Variants in BLNK observed in about 807,000 individuals in gnomAD.
The protein encoded by BLNK is B-cell linker protein.
In BLNK, 29 loss-of-function variants were observed where a neutral mutation model predicts 73.5. The observed-to-expected ratio is 0.39, with a 90% CI of 0.29 to 0.54. BLNK has a LOEUF of 0.54. Ranked by LOEUF, BLNK falls within the 20% of genes least tolerant of loss-of-function variation. The pLI, the probability that BLNK is intolerant of heterozygous loss-of-function variation, is 0.61. For missense variants in BLNK, 460 were observed against 562.8 expected (o/e 0.82, Z 1.85); for synonymous variants, 176 against 200.8 (o/e 0.88, Z 1.04).
chr10:96,221,246 T>C (rs1410164400), intron 6 of BLNK, among the ~76,000 whole-genome samples: 1 of 152,164 alleles, frequency 6.6e-6, no homozygotes, highest in Non-Finnish European at 1.5e-5. Flanking sequence ...TACACAACAT[T>C]CTCCAAGTGT....
At chr10:96,194,768 A>AATTTTTT (rs2083416015) in intron 16 of BLNK, among the ~76,000 whole-genome samples, 1 of 110,286 alleles carries the variant, frequency 9.1e-6, no homozygotes, top group Admixed American at 1.1e-4. Flanking sequence ...AGAAATGCAA[A>AATTTTTT]TTTTTTTTTT....
At chr10:96,241,374 C>T (rs188854662) in intron 3 of BLNK, among the ~76,000 whole-genome samples, 56 of 152,318 alleles carry the variant, frequency 3.7e-4, no homozygotes, top group Admixed American at 1.2e-3. Flanking sequence ...TATCTTCCAA[C>T]GTATTTGTTC....
intron 9 of BLNK, 105 bp downstream of exon 9, chr10:96,209,733 G>A (rs2083903634): frequency 1.2e-5 from 16 of 1,380,056 alleles, no homozygotes; most frequent in Non-Finnish European, 1.5e-5. Context: ...GGTCCAAGTT[G>A]CAGCCTGCCA....
intron 2 of BLNK, among the ~76,000 whole-genome samples, chr10:96,243,816 G>A (rs1842952198): frequency 6.6e-6 from 1 of 151,872 alleles, no homozygotes; most frequent in South Asian, 2.1e-4. Context: ...AAATGAGTAA[G>A]GTTTATAGTC....
rs1159494407 is a variant in BLNK, at chr10:96,190,006, A to G, written c.*1967T>C. Reference sequence around the variant, plus strand: ...TTTTCAAAGGTGCCAGTGTTATTTAATTGGACTGCCTTCATAATTCATTGC... The same window carrying G: ...TTTTCAAAGGTGCCAGTGTTATTTAGTTGGACTGCCTTCATAATTCATTGC... On this transcript the variant is annotated 3_prime_UTR_variant, in exon 17 of 17. Coordinates refer to ENST00000224337, the MANE Select transcript of BLNK (RefSeq NM_013314.4). 6.1e-6 allele frequency: 5 copies of G among 813,526 alleles called. No homozygotes were observed. The highest frequency in any genetic ancestry group is 1.7e-5 in the Admixed American group (1 of 58,760). The allele number at this position is 813,526 out of a possible 1,614,324, so 50.4% of individuals were successfully genotyped here. A position where few individuals can be genotyped will look rare whatever the true frequency, so the allele number is the denominator to read the frequency against.
At chr10:96,269,969 A>T (rs1589356458) in intron 1 of BLNK, among the ~76,000 whole-genome samples, 1 of 152,178 alleles carries the variant, frequency 6.6e-6, no homozygotes, top group South Asian at 2.1e-4. Context: ...TCTTAAAAGT[A>T]TCTTCTCTAT....
intron 13 of BLNK, 128 bp downstream of exon 13, chr10:96,203,929 C>A: frequency 1.4e-6 from 1 of 694,582 alleles, no homozygotes; most frequent in Admixed American, 2.3e-5. Context: ...GGTAAGGAAA[C>A]AAGTGGGAGA....
intron 3 of BLNK, among the ~76,000 whole-genome samples, chr10:96,231,869 T>C (rs1842512432): frequency 6.6e-6 from 1 of 152,170 alleles, no homozygotes; most frequent in Admixed American, 6.5e-5. Flanking sequence ...TCCACGGGCA[T>C]GCGCTGAGCC....
At chr10:96,210,345 C>G (rs983720088) in intron 8 of BLNK, 54 of 219,874 alleles carry the variant, frequency 2.5e-4, no homozygotes, top group African/African-American at 1.2e-3. Context: ...CAACCCACCA[C>G]TCCTGACACA....
At chr10:96,222,799 G>A (rs587684433) in intron 6 of BLNK, among the ~76,000 whole-genome samples, 1 of 152,104 alleles carries the variant, frequency 6.6e-6, no homozygotes, top group African/African-American at 2.4e-5. Flanking sequence ...GAGGAGCAGA[G>A]AGAAAAGAAG....
rs1185314575 is a variant in BLNK, at chr10:96,191,388, A to G, written c.*585T>C. Among the ~76,000 whole-genome samples the G allele has an allele frequency of 6.6e-6, 1 of 152,036 alleles. No homozygotes were observed. Among genetic ancestry groups the G allele is most frequent in the African/African-American group, 2.4e-5 (1 of 41,404 alleles). On this transcript the variant is annotated 3_prime_UTR_variant, in exon 17 of 17. Transcript: ENST00000224337. ...GGGTATAATTATCTTTAGTAAGCAA[A>G]ACTAACAGCATAATCCTAGACAAGA...
intron 1 of BLNK, among the ~76,000 whole-genome samples, chr10:96,248,352 C>T (rs76672962): frequency 2.0e-5 from 3 of 152,124 alleles, no homozygotes; most frequent in Admixed American, 1.3e-4. Flanking sequence ...GAACACACAG[C>T]TAACAGAAAA....
At chr10:96,266,199 A>C (rs1843990344) in intron 1 of BLNK, among the ~76,000 whole-genome samples, 1 of 152,254 alleles carries the variant, frequency 6.6e-6, no homozygotes, top group African/African-American at 2.4e-5. Flanking sequence ...GGGAGAAAAC[A>C]AGAGATCGTC....
chr10:96,248,824 T>C lies in BLNK; in HGVS notation c.48-1775A>G, dbSNP rs1843160697. 1.3e-5 allele frequency among the ~76,000 whole-genome samples: 2 copies of C among 152,228 alleles called. 1 individual carries two copies. The highest frequency in any genetic ancestry group is 4.1e-4 in the South Asian group (2 of 4,828). On this transcript the variant is annotated intron_variant, in intron 1 of 16. Transcript: ENST00000224337. ...TAAAAAAAAGAGGAATATACATCTA[T>C]ATTGTTGCCTGAAACTTCTACTTTC...
At position 96,223,989 on chromosome 10, in the gene BLNK, T is replaced by C. The variant is rs782522823; in HGVS notation, c.362A>G (p.Asp121Gly). 1 of 1,612,666 alleles carries C rather than the reference T, an allele frequency of 6.2e-7. No homozygotes were observed. The highest frequency in any genetic ancestry group is 8.5e-7 in the Non-Finnish European group (1 of 1,180,008). ...ALPFARGEYI[D>G]NRSSQRHSPP... The stretch of plus-strand genomic sequence containing the variant: ...GGAATGCCTCTGGCTTGATCGATTG[T>C]CTTGAAAGGAACAAACAAAAAACAT... Residue 121 changes from aspartate to glycine, a missense_variant and splice_region_variant, in exon 6 of 17, where the codon GAC (aspartate) becomes GGC (glycine). Physicochemically the swap from Asp to Gly is moderately conservative, Grantham distance 94. This residue lies in a region of BLNK where 139 missense variants were observed against 187.3 expected (regional missense o/e 0.74). Transcript: ENST00000224337.
intron 3 of BLNK, among the ~76,000 whole-genome samples, chr10:96,232,442 C>T (rs1054177171): frequency 7.2e-5 from 11 of 152,164 alleles, no homozygotes; most frequent in African/African-American, 2.4e-4. Flanking sequence ...AGCAGACCAC[C>T]GGACTCCAGA....
At chr10:96,263,551 AG>A (rs3842514) in intron 1 of BLNK, among the ~76,000 whole-genome samples, 10,932 of 152,280 alleles carry the variant, frequency 0.072, 1,197 homozygotes, top group East Asian at 0.54. Context: ...GTGCTGCAAA[AG>A]GGTTGTGAAA....
At chr10:96,202,303 A>T (rs2083665969) in intron 13 of BLNK, among the ~76,000 whole-genome samples, 1 of 152,140 alleles carries the variant, frequency 6.6e-6, no homozygotes, top group Admixed American at 6.6e-5. Context: ...CTGGAAACAG[A>T]GGGTGGCAAC....
chr10:96,218,078 C>T (rs1157701606), intron 6 of BLNK, among the ~76,000 whole-genome samples: 7 of 152,160 alleles, frequency 4.6e-5, no homozygotes, highest in Admixed American at 6.5e-5. Flanking sequence ...TCTATTGAAT[C>T]GTCTTAGCAC....
Sources: gnomAD v4.1 joint callset for allele counts (sites outside exome capture counted in the v4.1 genomes callset) on GRCh38, gnomAD v4.1.1 for gene constraint, gnomAD v4.1.1 regional missense constraint, MANE v1.5 for transcripts, NCBI Gene and HGNC (gene_info 2026-07-23, HGNC 2026-07-21) for gene names.